The following SAXO1 variants were observed in gnomAD, a reference collection of about 807,000 sequenced individuals.
The protein encoded by SAXO1 is stabilizer of axonemal microtubules 1, also known as 4930500O09Rik.
A neutral mutation model predicts 17.5 loss-of-function variants in SAXO1; 21 were observed. The observed-to-expected ratio is 1.20, with a 90% CI of 0.85 to 1.72. The LOEUF is 1.72. SAXO1 is among the 40% of genes most tolerant of loss of function. The pLI is 0.00. For missense variants in SAXO1, 843 were observed against 596.0 expected (o/e 1.41, Z -4.32); for synonymous variants, 274 against 216.5 (o/e 1.27, Z -2.33).
chr9:19,024,173 G>A (rs779376615), intron 1 of SAXO1, among the ~76,000 whole-genome samples: 2 of 151,664 alleles, frequency 1.3e-5, no homozygotes, highest in Non-Finnish European at 2.9e-5. Context: ...CTTCCGGCAC[G>A]ATCTCCTGCA....
At chr9:18,960,104 C>T (rs1832423471) in intron 1 of SAXO1, among the ~76,000 whole-genome samples, 2 of 152,326 alleles carry the variant, frequency 1.3e-5, no homozygotes, top group South Asian at 4.1e-4. Context: ...ACCTCATGGG[C>T]TCTTCCGGCC....
At chr9:18,942,731 G>A (rs961498365) in intron 2 of SAXO1, among the ~76,000 whole-genome samples, 2 of 152,166 alleles carry the variant, frequency 1.3e-5, no homozygotes, top group Non-Finnish European at 2.9e-5. Context: ...AGGCCCAGAT[G>A]CTCACTGCAA....
chr9:19,040,024 T>C (rs1836039485), intron 1 of SAXO1, among the ~76,000 whole-genome samples: 1 of 152,030 alleles, frequency 6.6e-6, no homozygotes, highest in Admixed American at 6.6e-5. Flanking sequence ...CCACTGTACA[T>C]GGCCTGGAAT....
At chr9:19,030,004 A>C (rs1299560449) in intron 1 of SAXO1, among the ~76,000 whole-genome samples, 2 of 152,222 alleles carry the variant, frequency 1.3e-5, no homozygotes, top group Non-Finnish European at 2.9e-5. Flanking sequence ...CCCAGCGTAC[A>C]TATAATTAAT....
chr9:19,041,120 G>A (rs572026614), intron 1 of SAXO1, among the ~76,000 whole-genome samples: 2 of 118,100 alleles, frequency 1.7e-5, no homozygotes, highest in East Asian at 4.9e-4. Flanking sequence ...ACCAACATAC[G>A]AAAATCAGGA....
chr9:18,933,306 C>T (rs1831135877), intron 3 of SAXO1, among the ~76,000 whole-genome samples: 1 of 152,028 alleles, frequency 6.6e-6, no homozygotes, highest in Admixed American at 6.6e-5. Context: ...ATTAATGTGG[C>T]ATATTAATTG....
At chr9:18,939,741 T>C (rs796873067) in intron 3 of SAXO1, among the ~76,000 whole-genome samples, 26 of 152,338 alleles carry the variant, frequency 1.7e-4, no homozygotes, top group African/African-American at 5.5e-4. Flanking sequence ...GTTTTTATCG[T>C]AATAGGATCA....
chr9:18,950,181 CCTAGAG>C (rs1318849563), intron 2 of SAXO1, among the ~76,000 whole-genome samples: 1 of 152,132 alleles, frequency 6.6e-6, no homozygotes, highest in East Asian at 1.9e-4. Flanking sequence ...TCTGCACAGA[CCTAGAG>C]CTAAACAATC....
chr9:18,978,344 C>T (rs1330621789), intron 1 of SAXO1, among the ~76,000 whole-genome samples: 2 of 152,112 alleles, frequency 1.3e-5, no homozygotes, highest in Non-Finnish European at 2.9e-5. Flanking sequence ...CAAACAGGAC[C>T]CTGTCCTGCC....
At chr9:19,041,011 T>C (rs1836065958) in intron 1 of SAXO1, among the ~76,000 whole-genome samples, 2 of 151,666 alleles carry the variant, frequency 1.3e-5, no homozygotes, top group South Asian at 4.1e-4. Flanking sequence ...ATTATCGTTG[T>C]TTGCAGATGA....
At chr9:18,970,384 T>C (rs1442427105) in intron 1 of SAXO1, among the ~76,000 whole-genome samples, 1 of 152,188 alleles carries the variant, frequency 6.6e-6, no homozygotes, top group African/African-American at 2.4e-5. Flanking sequence ...TCACTGCCCC[T>C]TTCTTGGGGA....
At chr9:18,971,272 T>TACTC (rs1832932699) in intron 1 of SAXO1, among the ~76,000 whole-genome samples, 1 of 152,102 alleles carries the variant, frequency 6.6e-6, no homozygotes. Context: ...CTGCCAAAAC[T>TACTC]GAATATTCCC....
chr9:19,027,457 A>C, intron 1 of SAXO1: 1 of 774,564 alleles, frequency 1.3e-6, no homozygotes, highest in Non-Finnish European at 2.4e-6. Context: ...TGTCTTGTCA[A>C]TGAACCACAA....
At chr9:19,033,347 G>A (rs893846267), upstream of SAXO1, 33 of 170,078 alleles carry the variant, frequency 1.9e-4, 1 homozygote, top group Admixed American at 1.3e-3. Context: ...CTCACTGGCA[G>A]GCCCAGGACA....
At chr9:19,002,190 A>C (rs759931939) in intron 1 of SAXO1, among the ~76,000 whole-genome samples, 10 of 152,226 alleles carry the variant, frequency 6.6e-5, no homozygotes, top group Admixed American at 1.3e-4. Flanking sequence ...CCCAAGACTA[A>C]ACCAGGAAGA....
chr9:19,038,660 G>A (rs1280839129), intron 1 of SAXO1, among the ~76,000 whole-genome samples: 1 of 151,218 alleles, frequency 6.6e-6, no homozygotes, highest in Non-Finnish European at 1.5e-5. Flanking sequence ...AATGCTAAAT[G>A]ACGAGTTAAT....
intron 2 of SAXO1, among the ~76,000 whole-genome samples, chr9:18,949,592 T>C (rs1831938069): frequency 6.6e-6 from 1 of 152,226 alleles, no homozygotes; most frequent in South Asian, 2.1e-4. Context: ...TCTCCCATTG[T>C]GGGTGCTCCT....
At chr9:19,012,604 G>C (rs1438444965) in intron 1 of SAXO1, among the ~76,000 whole-genome samples, 1 of 152,230 alleles carries the variant, frequency 6.6e-6, no homozygotes, top group African/African-American at 2.4e-5. Context: ...GCCTGGCAGA[G>C]GGGCTCAACC....
intron 1 of SAXO1, among the ~76,000 whole-genome samples, chr9:19,001,375 A>G (rs1834256605): frequency 6.6e-6 from 1 of 152,136 alleles, no homozygotes; most frequent in Non-Finnish European, 1.5e-5. Flanking sequence ...AGAAATAAAG[A>G]TGTTCTTTGA....
Sources: gnomAD v4.1 joint callset for allele counts (sites outside exome capture counted in the v4.1 genomes callset) on GRCh38, gnomAD v4.1.1 for gene constraint, MANE v1.5 for transcripts, NCBI Gene and HGNC (gene_info 2026-07-23, HGNC 2026-07-21) for gene names.